SEC24B: variants seen among roughly 807,000 people sequenced by gnomAD.
The protein encoded by SEC24B is SEC24 homolog B, COPII component.
SEC24B carries 45 observed loss-of-function variants against 142.8 expected under a neutral mutation model. That is an observed-to-expected ratio of 0.32 (90% CI 0.25 to 0.40). The LOEUF (loss-of-function observed/expected upper bound fraction) is 0.40. SEC24B is among the 10% of genes least tolerant of loss of function. The pLI is 1.00. For missense variants in SEC24B, 1,409 were observed against 1,526.8 expected (o/e 0.92, Z 1.29); for synonymous variants, 574 against 568.2 (o/e 1.01, Z -0.15).
Position 109,510,084 on chromosome 4 carries a change from G to A in SEC24B, c.1749G>A (p.Leu583=), listed in dbSNP as rs2126045249. 4 of 1,606,294 alleles carry A rather than the reference G, an allele frequency of 2.5e-6. No homozygotes were observed. The highest frequency in any genetic ancestry group is 3.4e-6 in the Non-Finnish European group (4 of 1,175,318). ...LLNKAKLPLG[L]LLHPFRDLTQ... ...ATAAAGCTAAGCTTCCTTTAGGATT[G>A]TTGTTACATCCCTTCAGAGACCTAA... Residue 583 remains leucine (L), a synonymous_variant, in exon 8 of 24, where the codon TTG becomes TTA. Transcript: ENST00000265175.
chr4:109,451,990 G>A lies in SEC24B; in HGVS notation c.134-10911G>A, dbSNP rs191762654. ...TATATTTCCTTTCATTCTTTGTAGAGTACAGCTGTATAGGTTTAGATAAAC... is the reference window on the plus strand; with the variant it reads ...TATATTTCCTTTCATTCTTTGTAGAATACAGCTGTATAGGTTTAGATAAAC... On this transcript the variant is annotated intron_variant, in intron 1 of 23. Transcript: ENST00000265175. 2.4e-4 allele frequency among the ~76,000 whole-genome samples: 36 copies of A among 151,454 alleles called. No individual in the cohort carries two copies. The East Asian group carries it at 6.4e-3, about 27-fold the overall frequency.
intron 14 of SEC24B, among the ~76,000 whole-genome samples, chr4:109,523,458 G>A (rs902928148): frequency 2.0e-5 from 3 of 151,682 alleles, no homozygotes; most frequent in South Asian, 2.1e-4. Context: ...GCAACAGAGC[G>A]AGACCCGGTC....
chr4:109,449,319 G>C (rs1198355909), intron 1 of SEC24B: 1 of 342,622 alleles, frequency 2.9e-6, no homozygotes, highest in Admixed American at 3.8e-5. Flanking sequence ...GACCTCCCAG[G>C]CTCAAGCAAT....
chr4:109,500,767 C>T (rs1464057800), intron 6 of SEC24B, among the ~76,000 whole-genome samples: 3 of 152,040 alleles, frequency 2.0e-5, no homozygotes, highest in Non-Finnish European at 4.4e-5. Context: ...AATTCTCTTG[C>T]CTCAGCCTCC....
intron 22 of SEC24B, among the ~76,000 whole-genome samples, chr4:109,537,185 A>T (rs1725652635): frequency 6.6e-6 from 1 of 151,628 alleles, no homozygotes; most frequent in African/African-American, 2.4e-5. Context: ...AGGAAAAAAA[A>T]TAGTAATTTA....
intron 4 of SEC24B, among the ~76,000 whole-genome samples, chr4:109,487,915 A>C (rs1187466963): frequency 2.6e-5 from 4 of 152,214 alleles, no homozygotes; most frequent in Admixed American, 1.3e-4. Flanking sequence ...ACAATCTTTA[A>C]AATATTAACA....
At position 109,506,332 on chromosome 4, in the gene SEC24B, A is replaced by G. The variant is rs1221138662; in HGVS notation, c.1493A>G (p.Tyr498Cys). 3 of 1,557,752 alleles carry G rather than the reference A, an allele frequency of 1.9e-6. No individual in the cohort carries two copies. The highest frequency in any genetic ancestry group is 2.6e-6 in the Non-Finnish European group (3 of 1,157,122). The change falls in exon 7 of 24, where the codon TAT (tyrosine) becomes TGT (cysteine). Residue 498 changes from tyrosine (Y) to cysteine (C), a missense_variant. Physicochemically the swap from Tyr to Cys is radical, Grantham distance 194. Around this residue, in one of 2 missense-constraint regions of SEC24B, gnomAD observed 709 missense variants for 673.5 expected, o/e 1.05. Coordinates refer to ENST00000265175, the MANE Select transcript of SEC24B (RefSeq NM_006323.5). ...YSGFQQYPQQ[Y>C]PGVNQLSSSI... is the part of the protein sequence containing the mutation. The stretch of plus-strand genomic sequence containing the variant: ...TGTTTTGAATTGCTCTTTCAGCAGT[A>G]TCCTGGTGTGAACCAGCTATCCTCC...
At chr4:109,502,530 A>G (rs1232767938) in intron 6 of SEC24B, among the ~76,000 whole-genome samples, 3 of 152,218 alleles carry the variant, frequency 2.0e-5, no homozygotes, top group East Asian at 1.9e-4. Flanking sequence ...AACTTTTTAT[A>G]TGCCAGTGGA....
intron 16 of SEC24B, 132 bp downstream of exon 16, chr4:109,525,636 A>G: frequency 3.8e-6 from 2 of 520,044 alleles, no homozygotes; most frequent in Non-Finnish European, 3.2e-6. Flanking sequence ...CATGTTTTAA[A>G]TAGATAATAG....
intron 20 of SEC24B, 48 bp downstream of exon 20, chr4:109,531,570 G>A (rs997189464): frequency 7.0e-7 from 1 of 1,422,646 alleles, no homozygotes; most frequent in African/African-American, 1.4e-5. Context: ...ATATATTTGA[G>A]TGTCTTGTTC....
At chr4:109,455,241 T>C (rs1730542053) in intron 1 of SEC24B, among the ~76,000 whole-genome samples, 1 of 152,084 alleles carries the variant, frequency 6.6e-6, no homozygotes, top group Admixed American at 6.6e-5. Context: ...TAATTTACAA[T>C]GAGATTTAGG....
rs574784138 is a variant in SEC24B, at chr4:109,472,193, C to T, written c.878-811C>T. On this transcript the variant is annotated intron_variant, in intron 2 of 23. Coordinates refer to ENST00000265175, the MANE Select transcript of SEC24B (RefSeq NM_006323.5). ...CACACACTATACATAGACACACATA[C>T]ATACATGTGCAGGTATATATATGTA... Among the ~76,000 whole-genome samples the T allele has an allele frequency of 1.5e-3, 222 of 152,316 alleles. 1 individual carries two copies. Among genetic ancestry groups the T allele is most frequent in the Non-Finnish European group, 2.3e-3 (157 of 68,032 alleles).
chr4:109,470,114 G>T (rs757838940), intron 2 of SEC24B, among the ~76,000 whole-genome samples: 2 of 152,200 alleles, frequency 1.3e-5, no homozygotes, highest in Non-Finnish European at 2.9e-5. Context: ...GAATGGTCAG[G>T]ATGTGGAGTA....
intron 1 of SEC24B, among the ~76,000 whole-genome samples, chr4:109,436,967 A>G (rs1728463037): frequency 1.3e-5 from 2 of 152,238 alleles, no homozygotes; most frequent in Admixed American, 1.3e-4. Context: ...GACTTCCACA[A>G]GCCCTTCTAC....
chr4:109,516,423 A>C (rs1722918453), intron 10 of SEC24B, 105 bp from the exon 11 acceptor site: 2 of 637,856 alleles, frequency 3.1e-6, no homozygotes, highest in Non-Finnish European at 5.3e-6. Context: ...CTATTTGTGT[A>C]TTTTTTGTGT....
chr4:109,522,342 T>G (rs1295655890), intron 14 of SEC24B, among the ~76,000 whole-genome samples: 3 of 152,164 alleles, frequency 2.0e-5, no homozygotes, highest in African/African-American at 7.2e-5. Context: ...TGAGCCACCG[T>G]GCCCGGCGAG....
chr4:109,451,444 C>T (rs78562568), intron 1 of SEC24B, among the ~76,000 whole-genome samples: 10,085 of 151,784 alleles, frequency 0.066, 488 homozygotes, highest in African/African-American at 0.14. Flanking sequence ...ATCCTCCTAC[C>T]TTGACTCCCA....
At chr4:109,453,391 C>T (rs981296614) in intron 1 of SEC24B, among the ~76,000 whole-genome samples, 3 of 146,844 alleles carry the variant, frequency 2.0e-5, no homozygotes, top group East Asian at 2.0e-4. Flanking sequence ...ATGTTTCATC[C>T]CTTATCTGCA....
intron 1 of SEC24B, among the ~76,000 whole-genome samples, chr4:109,435,762 C>A (rs1011812479): frequency 6.6e-6 from 1 of 152,154 alleles, no homozygotes; most frequent in Non-Finnish European, 1.5e-5. Flanking sequence ...TGCATGCTTA[C>A]CAGTTGGGGA....
Sources: gnomAD v4.1 joint callset for allele counts (sites outside exome capture counted in the v4.1 genomes callset) on GRCh38, gnomAD v4.1.1 for gene constraint, gnomAD v4.1.1 regional missense constraint, MANE v1.5 for transcripts, NCBI Gene and HGNC (gene_info 2026-07-23, HGNC 2026-07-21) for gene names.